Variants in LRRTM4 observed in about 807,000 individuals in gnomAD.
The protein encoded by LRRTM4 is leucine-rich repeat transmembrane neuronal protein 4.
Under a neutral mutation model 47.6 loss-of-function variants are expected in LRRTM4, and 25 were observed. The ratio of observed to expected loss-of-function variants is 0.53; its 90% confidence interval spans 0.38 to 0.73. The LOEUF is 0.73. LRRTM4 is among the 30% of genes least tolerant of loss of function. The pLI is 0.00. For missense variants in LRRTM4, 638 were observed against 713.4 expected (o/e 0.89, Z 1.20); for synonymous variants, 311 against 269.5 (o/e 1.15, Z -1.51).
chr2:77,044,895 ATGTG>A (rs1188715106), intron 3 of LRRTM4, among the ~76,000 whole-genome samples: 1 of 151,576 alleles, frequency 6.6e-6, no homozygotes, highest in Non-Finnish European at 1.5e-5. Flanking sequence ...ATACATATAT[ATGTG>A]TATGTAGATA....
intron 3 of LRRTM4, among the ~76,000 whole-genome samples, chr2:77,164,298 C>T (rs1026943103): frequency 6.6e-6 from 1 of 152,112 alleles, no homozygotes; most frequent in African/African-American, 2.4e-5. Flanking sequence ...CAGGAGCACC[C>T]AGATTCATAA....
At chr2:77,359,928 G>GACATT (rs1182557143) in intron 3 of LRRTM4, among the ~76,000 whole-genome samples, 1 of 152,056 alleles carries the variant, frequency 6.6e-6, no homozygotes, top group African/African-American at 2.4e-5. Context: ...AGTTAAAGGA[G>GACATT]ACATTAATGA....
chr2:76,958,601 T>C (rs1675754214), intron 3 of LRRTM4, among the ~76,000 whole-genome samples: 1 of 151,704 alleles, frequency 6.6e-6, no homozygotes, highest in Non-Finnish European at 1.5e-5. Context: ...TCACACTATC[T>C]CTCATGTGCA....
intron 3 of LRRTM4, among the ~76,000 whole-genome samples, chr2:77,079,425 G>A (rs1313986956): frequency 6.6e-6 from 1 of 152,140 alleles, no homozygotes; most frequent in Non-Finnish European, 1.5e-5. Context: ...GCAGAGTTGA[G>A]TAGTTAGGAC....
Position 77,457,595 on chromosome 2 carries a change from C to CA in LRRTM4, c.1551+60722dup, listed in dbSNP as rs113451237. 1.9e-3 allele frequency among the ~76,000 whole-genome samples: 276 copies of CA among 149,092 alleles called. 1 individual carries two copies. Among genetic ancestry groups the CA allele is most frequent in the African/African-American group, 3.8e-3 (155 of 40,844 alleles). ...TCCAATAGTTATCCACTGCCATTTA[C>CA]AAAAAAAAAATCTAATGCTGTATCT... On this transcript the variant is annotated intron_variant, in intron 3 of 3. Coordinates refer to ENST00000409884, the MANE Select transcript of LRRTM4 (RefSeq NM_001134745.3).
intron 3 of LRRTM4, among the ~76,000 whole-genome samples, chr2:76,983,970 CA>C (rs1676704109): frequency 6.6e-6 from 1 of 152,006 alleles, no homozygotes; most frequent in Non-Finnish European, 1.5e-5. Flanking sequence ...ATTTAACAAA[CA>C]TTCATTACAA....
At chr2:77,499,930 T>G (rs763564897) in intron 3 of LRRTM4, among the ~76,000 whole-genome samples, 1 of 151,736 alleles carries the variant, frequency 6.6e-6, no homozygotes, top group Non-Finnish European at 1.5e-5. Flanking sequence ...ACTTTGACTT[T>G]CTTGTTCTTG....
At chr2:77,413,807 C>T (rs969692728) in intron 3 of LRRTM4, among the ~76,000 whole-genome samples, 24 of 151,616 alleles carry the variant, frequency 1.6e-4, no homozygotes, top group African/African-American at 5.1e-4. Flanking sequence ...TAAGTAGAAA[C>T]CAACAGGCAA....
At chr2:77,309,684 TAGATA>T (rs1677392771) in intron 3 of LRRTM4, among the ~76,000 whole-genome samples, 1 of 2,868 alleles carries the variant, frequency 3.5e-4, no homozygotes, top group Non-Finnish European at 8.0e-4. Flanking sequence ...AGACAGATGA[TAGATA>T]GATAGATAGA....
chr2:77,276,324 G>T (rs913403801), intron 3 of LRRTM4, among the ~76,000 whole-genome samples: 4 of 133,076 alleles, frequency 3.0e-5, no homozygotes, highest in Non-Finnish European at 6.1e-5. Flanking sequence ...AAGAGAAGAA[G>T]GAAGGAAGGA....
chr2:77,073,985 T>C (rs2860940), intron 3 of LRRTM4, among the ~76,000 whole-genome samples: 58,333 of 151,792 alleles, frequency 0.38, 12,804 homozygotes, highest in East Asian at 0.68. Flanking sequence ...TAGTTCTACA[T>C]GGTTCTTCTT....
At chr2:77,079,544 G>T (rs376755990) in intron 3 of LRRTM4, among the ~76,000 whole-genome samples, 105 of 152,246 alleles carry the variant, frequency 6.9e-4, no homozygotes, top group African/African-American at 2.3e-3. Context: ...AAGCTCATCA[G>T]CTATTGCTAG....
At chr2:76,942,593 C>CA (rs1207524671) in intron 3 of LRRTM4, among the ~76,000 whole-genome samples, 3 of 149,888 alleles carry the variant, frequency 2.0e-5, no homozygotes, top group Non-Finnish European at 4.4e-5. Flanking sequence ...CAAAAAGCTT[C>CA]AACCCCAACA....
intron 3 of LRRTM4, among the ~76,000 whole-genome samples, chr2:77,332,930 C>T (rs1232546376): frequency 6.6e-6 from 1 of 152,132 alleles, no homozygotes; most frequent in African/African-American, 2.4e-5. Context: ...TCCCACGTGT[C>T]ATGGGAGGAA....
chr2:76,854,917 C>A, intron 3 of LRRTM4, among the ~76,000 whole-genome samples: 1 of 148,758 alleles, frequency 6.7e-6, no homozygotes. Flanking sequence ...AGTTGATAGC[C>A]TCATTAAAAA....
chr2:77,213,038 A>T (rs1263075910), intron 3 of LRRTM4, among the ~76,000 whole-genome samples: 1 of 152,148 alleles, frequency 6.6e-6, no homozygotes, highest in African/African-American at 2.4e-5. Context: ...AAGGTCACCA[A>T]TCAATCTTCT....
intron 3 of LRRTM4, among the ~76,000 whole-genome samples, chr2:76,864,124 A>AT (rs1672398284): frequency 6.6e-6 from 1 of 152,198 alleles, no homozygotes; most frequent in South Asian, 2.1e-4. Flanking sequence ...TCTTGGGGAA[A>AT]ATATGAAAGC....
intron 3 of LRRTM4, among the ~76,000 whole-genome samples, chr2:76,945,802 A>G: frequency 6.6e-6 from 1 of 151,834 alleles, no homozygotes; most frequent in East Asian, 1.9e-4. Flanking sequence ...TCAAAACATC[A>G]TTACAGAAAA....
chr2:77,124,414 C>T (rs1171174139), intron 3 of LRRTM4, among the ~76,000 whole-genome samples: 1 of 152,014 alleles, frequency 6.6e-6, no homozygotes, highest in Non-Finnish European at 1.5e-5. Context: ...GGTATTTTAG[C>T]CCCCCTCCCG....
Sources: gnomAD v4.1 joint callset for allele counts (sites outside exome capture counted in the v4.1 genomes callset) on GRCh38, gnomAD v4.1.1 for gene constraint, MANE v1.5 for transcripts, NCBI Gene and HGNC (gene_info 2026-07-23, HGNC 2026-07-21) for gene names.